Variants in MALRD1 observed in about 807,000 individuals in gnomAD.
MALRD1 encodes MAM and LDL receptor class A domain containing 1, also known as MAM and LDL-receptor class A domain-containing protein 1.
Under a neutral mutation model 242.1 loss-of-function variants are expected in MALRD1, and 247 were observed. The observed-to-expected ratio is 1.02, with a 90% CI of 0.92 to 1.13. MALRD1 has a LOEUF of 1.13. MALRD1 is among the 50% of genes most tolerant of loss of function. The pLI, the probability that MALRD1 is intolerant of heterozygous loss-of-function variation, is 0.00. For missense variants in MALRD1, 2,989 were observed against 2,533.1 expected, an observed-to-expected ratio of 1.18 and a Z score of -3.86; for synonymous variants, 995 against 866.6, an observed-to-expected ratio of 1.15 and a Z score of -2.60.
At chr10:19,164,730 C>A (rs1834595531) in intron 12 of MALRD1, among the ~76,000 whole-genome samples, 1 of 152,098 alleles carries the variant, frequency 6.6e-6, no homozygotes, top group Non-Finnish European at 1.5e-5. Context: ...TTGGTTGAAT[C>A]AATAACAGTA....
chr10:19,730,376 T>C (rs1374271682), intron 38 of MALRD1, among the ~76,000 whole-genome samples: 1 of 152,150 alleles, frequency 6.6e-6, no homozygotes, highest in African/African-American at 2.4e-5. Flanking sequence ...ATTACATTGT[T>C]CTTTCTAATG....
At chr10:19,729,721 C>CTTTTTTTTTTTTTTTTT (rs35279728) in intron 38 of MALRD1, among the ~76,000 whole-genome samples, 1 of 40,642 alleles carries the variant, frequency 2.5e-5, no homozygotes, top group African/African-American at 1.1e-4. Flanking sequence ...TCTATTAATT[C>CTTTTTTTTTTTTTTTTT]TTTTTTTTTT....
intron 18 of MALRD1, among the ~76,000 whole-genome samples, chr10:19,235,840 G>A (rs1304224514): frequency 1.3e-5 from 2 of 152,054 alleles, no homozygotes; most frequent in African/African-American, 4.8e-5. Context: ...GTTTTAGGGG[G>A]AAAGATGAGT....
rs1295856463 is a variant in MALRD1, at chr10:19,270,334, T to TCA, written c.3080-9712_3080-9711insAC. Among the ~76,000 whole-genome samples the TCA allele has an allele frequency of 8.0e-3, 607 of 75,700 alleles. 3 individuals are homozygous for TCA. The highest frequency in any genetic ancestry group is 8.9e-3 in the Non-Finnish European group (315 of 35,222). The allele number at this position is 75,700 out of a possible 152,430, so 49.7% of individuals were successfully genotyped here. On this transcript the variant is annotated intron_variant, in intron 19 of 39. Transcript: ENST00000454679. ...TCTCTCTCTTCTCTCTCTCTCTCTC[T>TCA]CTCACACACACACACACACACACAC...
chr10:19,250,810 CGT>C (rs2131783333), intron 18 of MALRD1, among the ~76,000 whole-genome samples: 1 of 151,718 alleles, frequency 6.6e-6, no homozygotes, highest in African/African-American at 2.4e-5. Context: ...CCACATCCTC[CGT>C]CTCTCTGCCT....
upstream of MALRD1, among the ~76,000 whole-genome samples, chr10:19,048,317 C>G (rs964417987): frequency 5.3e-5 from 8 of 152,092 alleles, no homozygotes; most frequent in African/African-American, 1.4e-4. Context: ...ATCTATGGTT[C>G]TTAATTTATC....
intron 26 of MALRD1, among the ~76,000 whole-genome samples, chr10:19,369,952 G>T (rs570119582): frequency 8.6e-4 from 131 of 152,102 alleles, no homozygotes; most frequent in African/African-American, 3.1e-3. Flanking sequence ...AATGGTTGCT[G>T]CTTTCTATGC....
intron 26 of MALRD1, 123 bp from the exon 27 acceptor site, chr10:19,387,405 T>C: frequency 8.1e-7 from 1 of 1,235,360 alleles, no homozygotes; most frequent in South Asian, 1.6e-5. Flanking sequence ...TTCAGGTACC[T>C]CAAATTCCTA....
intron 18 of MALRD1, among the ~76,000 whole-genome samples, chr10:19,219,832 A>G (rs1375165896): frequency 2.0e-5 from 3 of 152,100 alleles, no homozygotes; most frequent in Admixed American, 6.5e-5. Context: ...CTGGGATCCT[A>G]CATGCTAATA....
intron 35 of MALRD1, among the ~76,000 whole-genome samples, chr10:19,611,499 G>C (rs999198571): frequency 1.3e-5 from 2 of 152,008 alleles, no homozygotes; most frequent in African/African-American, 4.8e-5. Context: ...GTAATCAGTT[G>C]TGAATTGTAT....
At chr10:19,540,533 T>G (rs1834918951) in intron 32 of MALRD1, among the ~76,000 whole-genome samples, 1 of 152,212 alleles carries the variant, frequency 6.6e-6, no homozygotes, top group Non-Finnish European at 1.5e-5. Context: ...ATACTTATAT[T>G]CACTTAATCA....
intron 36 of MALRD1, 83 bp from the exon 37 acceptor site, chr10:19,692,199 C>T (rs1451544840): frequency 8.7e-6 from 9 of 1,035,520 alleles, no homozygotes; most frequent in Non-Finnish European, 1.2e-5. Context: ...TATTGACATT[C>T]ATGATTTTAT....
chr10:19,470,005 T>C (rs1357526606), intron 29 of MALRD1, among the ~76,000 whole-genome samples: 1 of 152,008 alleles, frequency 6.6e-6, no homozygotes, highest in Non-Finnish European at 1.5e-5. Flanking sequence ...AAATATTCAA[T>C]ATAGTGTTGT....
At chr10:19,589,862 C>G (rs752736419) in intron 33 of MALRD1, among the ~76,000 whole-genome samples, 11 of 152,090 alleles carry the variant, frequency 7.2e-5, no homozygotes, top group Non-Finnish European at 1.5e-4. Context: ...CGTTTGCTTT[C>G]CTGATCTAAG....
At chr10:19,073,860 G>T (rs1385109380) in intron 2 of MALRD1, among the ~76,000 whole-genome samples, 3 of 152,022 alleles carry the variant, frequency 2.0e-5, no homozygotes, top group Admixed American at 2.0e-4. Context: ...ACAAAATTTG[G>T]GTTTGAATAA....
chr10:19,247,415 CAA>C (rs1442076316), intron 18 of MALRD1, among the ~76,000 whole-genome samples: 2 of 151,668 alleles, frequency 1.3e-5, no homozygotes, highest in African/African-American at 4.8e-5. Context: ...TATAAACCAC[CAA>C]AGAGATTTTA....
intron 13 of MALRD1, among the ~76,000 whole-genome samples, chr10:19,171,994 T>TATATATCACATATATGTGATATATATC (rs1482999802): frequency 2.6e-3 from 33 of 12,782 alleles, no homozygotes; most frequent in Middle Eastern, 0.05. Context: ...ATAATATATG[T>TATATATCACATATATGTGATATATATC]ATATATCACA....
At chr10:19,517,484 A>G (rs1392633263) in intron 31 of MALRD1, among the ~76,000 whole-genome samples, 1 of 152,220 alleles carries the variant, frequency 6.6e-6, no homozygotes, top group African/African-American at 2.4e-5. Flanking sequence ...CCTTTTCTAA[A>G]GAGTTTTCTC....
At chr10:19,274,854 T>C (rs1416330777) in intron 19 of MALRD1, among the ~76,000 whole-genome samples, 3 of 147,546 alleles carry the variant, frequency 2.0e-5, no homozygotes, top group South Asian at 2.1e-4. Context: ...AAGTGTTTAA[T>C]GGATATAGTT....
Sources: gnomAD v4.1 joint callset for allele counts (sites outside exome capture counted in the v4.1 genomes callset) on GRCh38, gnomAD v4.1.1 for gene constraint, MANE v1.5 for transcripts, NCBI Gene and HGNC (gene_info 2026-07-23, HGNC 2026-07-21) for gene names.